The following USP36 variants were observed in gnomAD, a reference collection of about 807,000 sequenced individuals.
USP36 encodes the protein ubiquitin carboxyl-terminal hydrolase 36.
Under a neutral mutation model 111.5 loss-of-function variants are expected in USP36, and 59 were observed. The ratio of observed to expected loss-of-function variants is 0.53; its 90% confidence interval spans 0.43 to 0.66. USP36 has a LOEUF of 0.66. USP36 is among the 30% of genes least tolerant of loss of function. The pLI, the probability that USP36 is intolerant of heterozygous loss-of-function variation, is 0.00. For synonymous variants in USP36, 628 were observed against 581.0 expected (o/e 1.08, Z -1.16); for missense variants, 1,488 against 1,468.0 (o/e 1.01, Z -0.22).
Position 78,814,550 on chromosome 17 carries a change from A to C in USP36, c.1026T>G (p.Asp342Glu), listed in dbSNP as rs1175735479. Residue 342 changes from aspartate to glutamate, a missense_variant and splice_region_variant, in exon 11 of 21, where the codon GAT becomes GAG. Physicochemically the swap from Asp to Glu is conservative, Grantham distance 45. This residue lies in a region of USP36 where 196 missense variants were observed against 264.4 expected (regional missense o/e 0.74). Transcript: ENST00000449938. ...ANFSGGKITKDVGYPEFLNIR... is the reference protein window; with the variant it reads ...ANFSGGKITKEVGYPEFLNIR... ...TGTTGAGGAATTCCGGATAGCCTAC[A>C]TCCTGTTTGAAAAATCAAGGAAAAG... is the stretch of plus-strand genomic sequence containing the variant. The C allele has an allele frequency of 6.2e-7, 1 of 1,608,692 alleles. No individual in the cohort carries two copies. The highest frequency in any genetic ancestry group is 1.1e-5 in the South Asian group (1 of 90,346).
intron 13 of USP36, among the ~76,000 whole-genome samples, chr17:78,809,022 T>C (rs1016018677): frequency 2.6e-5 from 4 of 152,236 alleles, no homozygotes; most frequent in African/African-American, 9.6e-5. Context: ...CACATCTATT[T>C]TTCAAAACAT....
intron 3 of USP36, among the ~76,000 whole-genome samples, chr17:78,788,289 C>G (rs926306247): frequency 6.6e-6 from 1 of 152,038 alleles, no homozygotes; most frequent in African/African-American, 2.4e-5. Flanking sequence ...CTCAGCCTCC[C>G]AAGTAGCTGG....
Position 78,814,504 on chromosome 17 carries a change from T to C in USP36, c.1072A>G (p.Asn358Asp), listed in dbSNP as rs762375829. 6.2e-7 allele frequency: 1 copy of C among 1,614,202 alleles called. No homozygotes were observed. Among genetic ancestry groups the C allele is most frequent in the Non-Finnish European group, 8.5e-7 (1 of 1,180,018 alleles). ...CCATACATGACAGGATCACCATTATTCTGGGACATATACGGACGTATGTTG... is the reference window on the plus strand; with the variant it reads ...CCATACATGACAGGATCACCATTATCCTGGGACATATACGGACGTATGTTG... ...FLNIRPYMSQ[N>D]NGDPVMYGLY... is the part of the protein sequence containing the mutation. The change falls in exon 11 of 21, where the codon AAT becomes GAT. Residue 358 changes from asparagine (N) to aspartate (D), a missense_variant. Physicochemically the swap from Asn to Asp is conservative, Grantham distance 23. Around this residue, in one of 3 missense-constraint regions of USP36, gnomAD observed 1,073 missense variants for 994.1 expected, o/e 1.08. Coordinates refer to ENST00000449938, the MANE Select transcript of USP36 (RefSeq NM_001385174.1).
At chr17:78,826,911 T>C (rs1599077117) in intron 6 of USP36, 3 of 590,366 alleles carry the variant, frequency 5.1e-6, no homozygotes, top group South Asian at 4.2e-5. Flanking sequence ...AAAAAGTCCA[T>C]GGTAAGAACT....
intron 4 of USP36, among the ~76,000 whole-genome samples, chr17:78,834,337 A>G (rs1459870827): frequency 6.6e-6 from 1 of 151,764 alleles, no homozygotes; most frequent in East Asian, 1.9e-4. Context: ...TTAATAGTTA[A>G]AAGACTCTTC....
chr17:78,821,539 T>C (rs899412814), intron 7 of USP36, among the ~76,000 whole-genome samples: 1 of 149,678 alleles, frequency 6.7e-6, no homozygotes, highest in Non-Finnish European at 1.5e-5. Context: ...GCAATTCTCC[T>C]GACTCAGCCT....
intron 1 of USP36, among the ~76,000 whole-genome samples, chr17:78,839,906 C>T (rs1481866910): frequency 2.0e-5 from 3 of 152,234 alleles, no homozygotes; most frequent in Non-Finnish European, 4.4e-5. Context: ...CTGCGCGAAC[C>T]CCAGCCAGCA....
downstream of USP36, among the ~76,000 whole-genome samples, chr17:78,792,917 T>C (rs1021933480): frequency 6.6e-6 from 1 of 152,150 alleles, no homozygotes; most frequent in Non-Finnish European, 1.5e-5. Context: ...GGTTTCACCA[T>C]GTTGGTCAGG....
At chr17:78,791,415 G>A (rs142036786), downstream of USP36, among the ~76,000 whole-genome samples, 185 of 152,118 alleles carry the variant, frequency 1.2e-3, no homozygotes, top group South Asian at 0.011. Flanking sequence ...CACCGTGCCC[G>A]GCCCTGGCCT....
intron 3 of USP36, among the ~76,000 whole-genome samples, chr17:78,789,197 CAAAAAAAAAAAA>C (rs869247026): frequency 3.0e-5 from 2 of 65,904 alleles, no homozygotes; most frequent in South Asian, 5.8e-4. Context: ...AACTTGGTCC[CAAAAAAAAAAAA>C]AAAAAAAAAA....
intron 13 of USP36, among the ~76,000 whole-genome samples, 164 bp downstream of exon 13, chr17:78,812,696 C>CGA (rs1555630538): frequency 1.1e-5 from 1 of 88,024 alleles, no homozygotes; most frequent in Non-Finnish European, 2.0e-5. Flanking sequence ...GACTCTGTCT[C>CGA]GAAAAAAAAA....
chr17:78,802,582 G>T, intron 16 of USP36, 47 bp from the exon 17 acceptor site: 1 of 1,546,570 alleles, frequency 6.5e-7, no homozygotes. Flanking sequence ...AAATTGGAAG[G>T]GGAGCAGGAG....
At chr17:78,820,403 C>T (rs373010970) in intron 8 of USP36, among the ~76,000 whole-genome samples, 121 of 152,264 alleles carry the variant, frequency 7.9e-4, no homozygotes, top group Middle Eastern at 3.4e-3. Context: ...GTCAACACTA[C>T]AGTGAGCTAT....
chr17:78,788,924 G>C (rs148661480), intron 3 of USP36, among the ~76,000 whole-genome samples: 2 of 152,234 alleles, frequency 1.3e-5, no homozygotes, highest in Non-Finnish European at 2.9e-5. Flanking sequence ...ATGAGGCCAG[G>C]TGCGGTGACT....
In USP36 at chr17:78,807,015, G is replaced by A. The variant is rs759557030; in HGVS notation, c.2029C>T (p.Pro677Ser). 21 of 1,614,246 alleles carry A rather than the reference G, an allele frequency of 1.3e-5. No homozygotes were observed. The highest frequency in any genetic ancestry group is 1.8e-5 in the Non-Finnish European group (21 of 1,180,042). The change falls in exon 14 of 21, where the codon CCT becomes TCT. Residue 677 changes from proline (P) to serine (S), a missense_variant. Transcript: ENST00000449938. ...SPVLSNTTTE[P>S]ASTMSPPPAK... The stretch of plus-strand genomic sequence containing the variant: ...GGTGGAGGAGACATGGTGCTTGCAG[G>A]CTCAGTGGTGGTGTTGCTCAGGACA...
chr17:78,834,704 C>T (rs571439885), intron 4 of USP36, among the ~76,000 whole-genome samples: 14 of 152,250 alleles, frequency 9.2e-5, no homozygotes, highest in African/African-American at 3.1e-4. Flanking sequence ...CTGCCTCCCA[C>T]AGGTGTGAGC....
rs551039039 is a variant in USP36, at chr17:78,805,631, G to A, written c.2216+525C>T. 1.1e-4 allele frequency among the ~76,000 whole-genome samples: 17 copies of A among 152,274 alleles called. No individual in the cohort carries two copies. In the South Asian group the frequency reaches 3.1e-3, roughly 28 times the overall value. On this transcript the variant is annotated intron_variant, in intron 15 of 20. Coordinates refer to ENST00000449938, the MANE Select transcript of USP36 (RefSeq NM_001385174.1). ...CCTAAGAGACGCAGGCAGCCCCTGC[G>A]GACCAGGGCCCACATGCACAGGGAA...
intron 15 of USP36, 63 bp from the exon 16 acceptor site, chr17:78,804,041 C>A: frequency 8.0e-7 from 1 of 1,253,320 alleles, no homozygotes; most frequent in Non-Finnish European, 1.1e-6. Context: ...GCTGTTCCTT[C>A]TGTCTACCCT....
chr17:78,834,997 G>GTGTGTATATATATATATATA lies in USP36; in HGVS notation c.475+282_475+283insTATATATATATATATACACA, dbSNP rs968867639. 9.9e-5 allele frequency among the ~76,000 whole-genome samples: 14 copies of GTGTGTATATATATATATATA among 141,392 alleles called. 2 individuals are homozygous for GTGTGTATATATATATATATA. Among genetic ancestry groups the GTGTGTATATATATATATATA allele is most frequent in the African/African-American group, 3.9e-4 (14 of 35,774 alleles). 92.8% of individuals were successfully genotyped at this position (141,392 alleles called of 152,430 possible). ...TACTGTCTCTAAAAAAATAATATTT[G>GTGTGTATATATATATATATA]TATATATATATATATATATATTTTG... On this transcript the variant is annotated intron_variant, in intron 4 of 20. Coordinates refer to ENST00000449938, the MANE Select transcript of USP36 (RefSeq NM_001385174.1).
Sources: allele counts gnomAD v4.1 joint callset (sites outside exome capture counted in the v4.1 genomes callset), GRCh38; gene constraint gnomAD v4.1.1; regional missense constraint gnomAD v4.1.1; transcripts MANE v1.5; gene names NCBI Gene and HGNC (gene_info 2026-07-23, HGNC 2026-07-21).